SLC27A6: variants seen among roughly 807,000 people sequenced by gnomAD.
SLC27A6 encodes solute carrier family 27 member 6.
SLC27A6 carries 74 observed loss-of-function variants against 63.9 expected under a neutral mutation model. The ratio of observed to expected loss-of-function variants is 1.16; its 90% CI spans 0.96 to 1.40. The LOEUF (loss-of-function observed/expected upper bound fraction) is 1.40. Among genes scored for constraint, SLC27A6 ranks in the 40% most tolerant of loss-of-function variants. The pLI, the probability that SLC27A6 is intolerant of heterozygous loss-of-function variation, is 0.00. For missense variants in SLC27A6, 794 were observed against 732.9 expected (o/e 1.08, Z -0.96); for synonymous variants, 287 against 260.8 (o/e 1.10, Z -0.97).
intron 4 of SLC27A6, among the ~76,000 whole-genome samples, chr5:128,991,817 A>C (rs1219315538): frequency 1.3e-5 from 2 of 151,786 alleles, no homozygotes; most frequent in Non-Finnish European, 2.9e-5. Context: ...CATCTGAAAA[A>C]CAGATAAGCA....
chr5:129,015,847 CTG>C (rs778749055), intron 4 of SLC27A6, 36 bp from the exon 5 acceptor site: 1 of 1,365,718 alleles, frequency 7.3e-7, no homozygotes, highest in Non-Finnish European at 1.0e-6. Flanking sequence ...GAATTAGAAA[CTG>C]GAACTAATTA....
At chr5:129,003,693 G>C (rs1040933053) in intron 4 of SLC27A6, among the ~76,000 whole-genome samples, 1 of 152,056 alleles carries the variant, frequency 6.6e-6, no homozygotes, top group African/African-American at 2.4e-5. Flanking sequence ...AAATTAGGTA[G>C]GCGTGGTGAC....
intron 4 of SLC27A6, among the ~76,000 whole-genome samples, chr5:129,011,425 T>C (rs755773925): frequency 2.0e-5 from 3 of 152,238 alleles, no homozygotes; most frequent in African/African-American, 7.2e-5. Context: ...TATTCTCATA[T>C]ACTTACTGGA....
chr5:128,982,675 G>T (rs1750636022), intron 1 of SLC27A6, among the ~76,000 whole-genome samples: 1 of 152,138 alleles, frequency 6.6e-6, no homozygotes, highest in African/African-American at 2.4e-5. Flanking sequence ...AGAAAGTCTA[G>T]ATCCTTTGCT....
chr5:129,005,192 T>C (rs1751479913), intron 4 of SLC27A6, among the ~76,000 whole-genome samples: 1 of 152,174 alleles, frequency 6.6e-6, no homozygotes, highest in Non-Finnish European at 1.5e-5. Flanking sequence ...CACCTACCAC[T>C]ATGCCCAATG....
intron 1 of SLC27A6, among the ~76,000 whole-genome samples, chr5:128,968,087 G>T (rs1749979148): frequency 6.6e-6 from 1 of 152,112 alleles, no homozygotes; most frequent in Non-Finnish European, 1.5e-5. Context: ...CAAAGGACAT[G>T]AACTCATCCT....
At chr5:129,030,512 G>T (rs1003244663) in intron 9 of SLC27A6, among the ~76,000 whole-genome samples, 1 of 151,810 alleles carries the variant, frequency 6.6e-6, no homozygotes, top group Admixed American at 6.6e-5. Context: ...TATTCAATGG[G>T]ACACATCCTC....
intron 1 of SLC27A6, among the ~76,000 whole-genome samples, chr5:128,973,751 A>G (rs2577436): frequency 0.24 from 36,714 of 152,144 alleles, 4,983 homozygotes; most frequent in Middle Eastern, 0.33. Flanking sequence ...GCCCTGTCCT[A>G]CTTTGCTCAC....
rs759333355 is a variant in SLC27A6, at chr5:129,016,395, C to CAAAAA, written c.1164+335_1164+339dup. Among the ~76,000 whole-genome samples, 59 of 64,656 alleles carry CAAAAA rather than the reference C, an allele frequency of 9.1e-4. 3 individuals carry two copies. The highest frequency in any genetic ancestry group is 9.0e-3 in the South Asian group (15 of 1,658). 42.4% of individuals were successfully genotyped at this position (64,656 alleles called of 152,430 possible). A position where few individuals can be genotyped will look rare whatever the true frequency, so the allele number is the denominator to read the frequency against. On this transcript the variant is annotated intron_variant, in intron 5 of 9. Transcript: ENST00000262462. ...TGGGCGACAGAGCGAGACTCTGTCT[C>CAAAAA]AAAAAAAAAAAAAAAAAAAAAAAGG... is the stretch of plus-strand genomic sequence containing the variant.
chr5:128,971,230 T>G (rs575078319), intron 1 of SLC27A6, among the ~76,000 whole-genome samples: 1 of 152,236 alleles, frequency 6.6e-6, no homozygotes, highest in East Asian at 1.9e-4. Flanking sequence ...AGAATGTATA[T>G]TCTGTTGATT....
intron 2 of SLC27A6, among the ~76,000 whole-genome samples, chr5:128,985,767 T>C (rs1057262681): frequency 1.3e-5 from 2 of 152,170 alleles, no homozygotes; most frequent in Non-Finnish European, 2.9e-5. Context: ...TTAAAAAGTG[T>C]TTTAATGTAC....
intron 4 of SLC27A6, among the ~76,000 whole-genome samples, chr5:128,993,479 G>T (rs1454590672): frequency 6.6e-6 from 1 of 151,962 alleles, no homozygotes; most frequent in Admixed American, 6.6e-5. Context: ...ATATTAATGT[G>T]CTCTGTTAAG....
chr5:129,002,611 A>G (rs1157995131), intron 4 of SLC27A6, among the ~76,000 whole-genome samples: 2 of 146,574 alleles, frequency 1.4e-5, no homozygotes, highest in Non-Finnish European at 3.0e-5. Flanking sequence ...AACACTTCTT[A>G]TGCACCAGGT....
At chr5:129,022,159 C>T (rs576777920) in intron 5 of SLC27A6, among the ~76,000 whole-genome samples, 2 of 152,210 alleles carry the variant, frequency 1.3e-5, no homozygotes, top group East Asian at 3.9e-4. Flanking sequence ...GATGCAAGTT[C>T]GTATTTTAAT....
chr5:129,029,278 A>T (rs1261738208), intron 8 of SLC27A6, among the ~76,000 whole-genome samples: 1 of 151,980 alleles, frequency 6.6e-6, no homozygotes, highest in Non-Finnish European at 1.5e-5. Flanking sequence ...CTTTCTTAAT[A>T]TTTGTTTTAG....
chr5:128,985,020 A>G, intron 1 of SLC27A6, 113 bp from the exon 2 acceptor site: 1 of 706,170 alleles, frequency 1.4e-6, no homozygotes, highest in Non-Finnish European at 2.4e-6. Flanking sequence ...CATAAGAAGG[A>G]AATCAGCATT....
chr5:128,996,300 T>G (rs1474209363), intron 4 of SLC27A6, among the ~76,000 whole-genome samples: 1 of 149,508 alleles, frequency 6.7e-6, no homozygotes, highest in East Asian at 2.2e-4. Context: ...TAGGAATGCA[T>G]TTTCTAAAAA....
Position 128,988,754 on chromosome 5 carries a change from G to T in SLC27A6, c.840G>T (p.Glu280Asp). ...TCCTGGGAATTTCTGGATGTGTTGA[G>T]TTGGGTAAGGCTTTATTTTCTTTTT... ...AAILGISGCV[E>D]LGATCVLKKK... The change falls in exon 3 of 10, where the codon GAG (glutamate) becomes GAT (aspartate). Residue 280 changes from glutamate (E) to aspartate (D), a missense_variant. By Grantham distance (45) the Glu-to-Asp change is conservative. Transcript: ENST00000262462. The T allele has an allele frequency of 6.2e-7, 1 of 1,609,626 alleles. No individual in the cohort carries two copies.
At position 128,966,569 on chromosome 5, in the gene SLC27A6, C is replaced by T. The variant is rs1749909096; in HGVS notation, c.432C>T (p.Leu144=). ...FLNTNIRSNS[L]LNCIRACGPR... ...ACACCAACATTCGCTCCAACTCCCT[C>T]CTGAATTGCATCCGCGCCTGTGGGC... The change falls in exon 1 of 10, where the codon CTC becomes CTT. Residue 144 remains leucine (L), a synonymous_variant. Coordinates refer to ENST00000262462, the MANE Select transcript of SLC27A6 (RefSeq NM_001017372.3). The T allele has an allele frequency of 6.4e-7, 1 of 1,559,790 alleles. No individual in the cohort carries two copies. Among genetic ancestry groups the T allele is most frequent in the African/African-American group, 1.4e-5 (1 of 73,428 alleles).
Sources: allele counts gnomAD v4.1 joint callset (sites outside exome capture counted in the v4.1 genomes callset), GRCh38; gene constraint gnomAD v4.1.1; transcripts MANE v1.5; gene names NCBI Gene and HGNC (gene_info 2026-07-23, HGNC 2026-07-21).